Variants in WDR20 observed in about 807,000 individuals in gnomAD.
The protein encoded by WDR20 is WD repeat-containing protein 20.
In WDR20, 3 loss-of-function variants were observed where a neutral mutation model predicts 38.7. The observed-to-expected ratio is 0.08, with a 90% CI of 0.04 to 0.20. The LOEUF is 0.20. Among genes scored for constraint, WDR20 ranks in the 10% least tolerant of loss-of-function variants. The probability of loss-of-function intolerance (pLI) is 1.00; values close to 1 mark genes in which losing one functional copy is unlikely to be tolerated. For synonymous variants in WDR20, 298 were observed against 285.6 expected (o/e 1.04, Z -0.44); for missense variants, 559 against 727.7 (o/e 0.77, Z 2.67).
chr14:102,139,884 G>C (rs1380725788), upstream of WDR20: 5 of 1,600,240 alleles, frequency 3.1e-6, no homozygotes, highest in Non-Finnish European at 4.3e-6. Context: ...CGGTGGGCGT[G>C]ATCCGGGCAC....
Position 102,209,391 on chromosome 14 carries a change from G to C in WDR20, c.1221G>C (p.Thr407=). ...CACACACAAATGTCATGAATGCCACGAGTCCTCCTGCTGGAAGCAATGGGA... is the reference window on the plus strand; with the variant it reads ...CACACACAAATGTCATGAATGCCACCAGTCCTCCTGCTGGAAGCAATGGGA... ...ARTHTNVMNA[T]SPPAGSNGNS... is the part of the protein sequence containing the mutation. Residue 407 remains threonine, a synonymous_variant, in exon 3 of 3, where the codon ACG becomes ACC. Coordinates refer to ENST00000342702, the MANE Select transcript of WDR20 (RefSeq NM_144574.4). The surrounding 1 kb of genome is among the most constrained non-coding windows in gnomAD (Gnocchi z 6.0). 2 of 1,614,058 alleles carry C rather than the reference G, an allele frequency of 1.2e-6. No homozygotes were observed.
At chr14:102,148,320 G>A (rs1362962761) in intron 1 of WDR20, among the ~76,000 whole-genome samples, 1 of 152,092 alleles carries the variant, frequency 6.6e-6, no homozygotes, top group Admixed American at 6.6e-5. Context: ...GAGGCAGGAG[G>A]ATTGGTTGAG....
At chr14:102,150,196 G>GGTATA (rs774303254) in intron 1 of WDR20, among the ~76,000 whole-genome samples, 8 of 152,206 alleles carry the variant, frequency 5.3e-5, no homozygotes, top group Admixed American at 1.3e-4. Context: ...AATCAGGCCT[G>GGTATA]GCATAGGATT....
At chr14:102,177,458 A>G (rs1458740521) in intron 1 of WDR20, among the ~76,000 whole-genome samples, 2 of 152,008 alleles carry the variant, frequency 1.3e-5, no homozygotes, top group Admixed American at 1.3e-4. Flanking sequence ...TTTTCTCAAA[A>G]CCCAGTGAAG....
intron 1 of WDR20, among the ~76,000 whole-genome samples, chr14:102,161,537 A>C (rs574047989): frequency 1.4e-4 from 21 of 151,894 alleles, no homozygotes; most frequent in African/African-American, 4.8e-4. Context: ...TGGGTTCACT[A>C]GTGTGTTTTA....
At chr14:102,139,868 C>T, upstream of WDR20, 3 of 1,589,930 alleles carry the variant, frequency 1.9e-6, no homozygotes, top group South Asian at 3.4e-5. Flanking sequence ...AGGAACAGCG[C>T]CTGCGCGGTG....
Position 102,160,053 on chromosome 14 carries a change from A to G in WDR20, c.249+19881A>G, listed in dbSNP as rs1292483009. The stretch of plus-strand genomic sequence containing the variant: ...CAGGAATTCAACGCTTCAGTGAGCT[A>G]TGATCATACCACTGCACTCCACCCT... On this transcript the variant is annotated intron_variant, in intron 1 of 2. Transcript: ENST00000342702. 2.0e-5 allele frequency among the ~76,000 whole-genome samples: 3 copies of G among 152,098 alleles called. No homozygotes were observed. The South Asian group carries it at 6.2e-4, about 31-fold the overall frequency.
At chr14:102,168,342 A>G (rs2060154572) in intron 1 of WDR20, among the ~76,000 whole-genome samples, 1 of 152,212 alleles carries the variant, frequency 6.6e-6, no homozygotes, top group African/African-American at 2.4e-5. Flanking sequence ...TTTATTGTAG[A>G]AAATTGGAAA....
chr14:102,148,700 TGTGTG>T, intron 1 of WDR20, among the ~76,000 whole-genome samples: 1 of 145,076 alleles, frequency 6.9e-6, no homozygotes, highest in East Asian at 2.0e-4. Flanking sequence ...TGTGTGTGTG[TGTGTG>T]TGTTTGGAAC....
At chr14:102,148,799 C>T (rs921647589) in intron 1 of WDR20, among the ~76,000 whole-genome samples, 3 of 151,184 alleles carry the variant, frequency 2.0e-5, no homozygotes, top group Non-Finnish European at 4.4e-5. Flanking sequence ...CTCAAGTGAT[C>T]CTCCCGCCTC....
rs183574720 is a variant in WDR20, at chr14:102,168,112, C to G, written c.250-26826C>G. ...CTCTACTGTATTTCTCTCTTCCCCC[C>G]ACTTCCCATACATCTCCCATATCTT... is the stretch of plus-strand genomic sequence containing the variant. On this transcript the variant is annotated intron_variant, in intron 1 of 2. Coordinates refer to ENST00000342702, the MANE Select transcript of WDR20 (RefSeq NM_144574.4). 1.5e-3 allele frequency among the ~76,000 whole-genome samples: 223 copies of G among 152,280 alleles called. 2 individuals are homozygous for G. Among genetic ancestry groups the G allele is most frequent in the African/African-American group, 5.1e-3 (212 of 41,562 alleles).
At chr14:102,205,148 A>C (rs561593706) in intron 2 of WDR20, among the ~76,000 whole-genome samples, 1 of 152,094 alleles carries the variant, frequency 6.6e-6, no homozygotes, top group Non-Finnish European at 1.5e-5. Flanking sequence ...AGCACCAGCT[A>C]TACTCAGGAG....
In WDR20 at chr14:102,222,925, C is replaced by T. The variant is rs760446407; in HGVS notation, c.*42C>T. ...CGCACAGTCTCCCGGGACTTGGACT[C>T]GAGGGAGTGACGAGGAGGAGCTCCG... On this transcript the variant is annotated 3_prime_UTR_variant, in exon 4 of 4. Coordinates refer to the WDR20 transcript ENST00000335263. The surrounding 1 kb of genome is among the most constrained non-coding windows in gnomAD (Gnocchi z 4.4). The T allele has an allele frequency of 9.3e-6, 15 of 1,612,428 alleles. No individual in the cohort carries two copies. The highest frequency in any genetic ancestry group is 4.5e-5 in the East Asian group (2 of 44,864).
intron 1 of WDR20, among the ~76,000 whole-genome samples, chr14:102,166,619 G>C (rs1433347676): frequency 6.6e-6 from 1 of 152,134 alleles, no homozygotes; most frequent in Non-Finnish European, 1.5e-5. Flanking sequence ...ATTCAAAATT[G>C]TTAGTCTGTG....
At position 102,210,354 on chromosome 14, in the gene WDR20, G is replaced by A. The variant is rs1401542796; in HGVS notation, c.*474G>A. On this transcript the variant is annotated 3_prime_UTR_variant, in exon 3 of 3. Coordinates refer to ENST00000342702, the MANE Select transcript of WDR20 (RefSeq NM_144574.4). ...CAATTTTTTATCTTAATCATAAAATGTTTAGGAATCTATGAAATTTAACTT... is the reference window on the plus strand; with the variant it reads ...CAATTTTTTATCTTAATCATAAAATATTTAGGAATCTATGAAATTTAACTT... 69 of 985,706 alleles carry A rather than the reference G, an allele frequency of 7.0e-5. No individual in the cohort carries two copies. The highest frequency in any genetic ancestry group is 7.7e-5 in the Non-Finnish European group (64 of 830,060). The allele number at this position is 985,706 out of a possible 1,614,324, so 61.1% of individuals were successfully genotyped here.
chr14:102,151,804 A>G (rs2055973240), intron 1 of WDR20, among the ~76,000 whole-genome samples: 1 of 151,662 alleles, frequency 6.6e-6, no homozygotes, highest in African/African-American at 2.4e-5. Context: ...CAGTGACACA[A>G]TCATGGCTCA....
chr14:102,149,995 C>T lies in WDR20; in HGVS notation c.249+9823C>T, dbSNP rs529671416. Among the ~76,000 whole-genome samples, 3 of 152,186 alleles carry T rather than the reference C, an allele frequency of 2.0e-5. No homozygotes were observed. The East Asian group carries it at 5.8e-4, about 29-fold the overall frequency. On this transcript the variant is annotated intron_variant, in intron 1 of 2. Coordinates refer to ENST00000342702, the MANE Select transcript of WDR20 (RefSeq NM_144574.4). ...GGCATGAGCCACCGCACCCAGACGT[C>T]GATTCTATTTTGTAGTAGATTTTTA...
chr14:102,170,841 G>A (rs2060654531), intron 1 of WDR20, among the ~76,000 whole-genome samples: 2 of 151,942 alleles, frequency 1.3e-5, no homozygotes, highest in Middle Eastern at 6.8e-3. Context: ...CAGACATTTT[G>A]TTCCATTTGT....
chr14:102,215,463 T>G (rs563880921), downstream of WDR20, among the ~76,000 whole-genome samples: 4 of 152,308 alleles, frequency 2.6e-5, no homozygotes, highest in Non-Finnish European at 5.9e-5. Flanking sequence ...GCTTGCTTTT[T>G]TTTATTTTGC....
Sources: gnomAD v4.1 joint callset for allele counts (sites outside exome capture counted in the v4.1 genomes callset) on GRCh38, gnomAD v4.1.1 for gene constraint, Gnocchi (gnomAD v3.1) non-coding constraint, MANE v1.5 for transcripts, NCBI Gene and HGNC (gene_info 2026-07-23, HGNC 2026-07-21) for gene names.